Variants in PTPN13 observed in about 807,000 individuals in gnomAD.
The protein encoded by PTPN13 is tyrosine-protein phosphatase non-receptor type 13.
PTPN13 carries 191 observed loss-of-function variants against 284.0 expected under a neutral mutation model. That is an observed-to-expected ratio of 0.67 (90% confidence interval 0.60 to 0.76). PTPN13 has a LOEUF of 0.76. Among genes scored for constraint, PTPN13 ranks in the 30% least tolerant of loss-of-function variants. The pLI is 0.00. For synonymous variants in PTPN13, 986 were observed against 1,022.3 expected (o/e 0.96, Z 0.68); for missense variants, 2,797 against 2,939.9 (o/e 0.95, Z 1.12).
intron 35 of PTPN13, among the ~76,000 whole-genome samples, chr4:86,780,138 C>G (rs1741125607): frequency 6.6e-6 from 1 of 152,058 alleles, no homozygotes; most frequent in Non-Finnish European, 1.5e-5. Flanking sequence ...GTGGCTCACA[C>G]CTGTAATCTC....
chr4:86,792,460 C>T (rs1337596251), intron 40 of PTPN13, among the ~76,000 whole-genome samples: 1 of 152,204 alleles, frequency 6.6e-6, no homozygotes, highest in African/African-American at 2.4e-5. Context: ...GAGAACTTCA[C>T]TAACCTAGCA....
chr4:86,767,562 A>C (rs1739476681), intron 27 of PTPN13, among the ~76,000 whole-genome samples: 1 of 152,068 alleles, frequency 6.6e-6, no homozygotes, highest in East Asian at 1.9e-4. Context: ...ATACATTTCT[A>C]ACATGTATTA....
At chr4:86,676,242 C>T (rs1728260492) in intron 3 of PTPN13, among the ~76,000 whole-genome samples, 1 of 152,124 alleles carries the variant, frequency 6.6e-6, no homozygotes, top group East Asian at 1.9e-4. Context: ...CTAGGATTGT[C>T]TAGTGACACA....
intron 17 of PTPN13, among the ~76,000 whole-genome samples, chr4:86,746,049 T>G (rs925798976): frequency 4.6e-5 from 7 of 152,114 alleles, no homozygotes; most frequent in Admixed American, 3.3e-4. Flanking sequence ...GGTGGCAGAT[T>G]TACTACCTAT....
chr4:86,743,273 C>A (rs995838354), intron 16 of PTPN13, among the ~76,000 whole-genome samples: 1 of 152,114 alleles, frequency 6.6e-6, no homozygotes, highest in African/African-American at 2.4e-5. Context: ...AACCTCTAAC[C>A]TATCTCTGGC....
intron 7 of PTPN13, among the ~76,000 whole-genome samples, chr4:86,704,285 C>T (rs1449252209): frequency 6.6e-6 from 1 of 152,056 alleles, no homozygotes; most frequent in African/African-American, 2.4e-5. Flanking sequence ...TGTGAATTAG[C>T]AAAGCTTGAG....
At chr4:86,661,171 C>G in intron 2 of PTPN13, 1 of 441,366 alleles carries the variant, frequency 2.3e-6, no homozygotes, top group South Asian at 1.6e-5. Context: ...CAAGGGTAAT[C>G]ACTGCTATGA....
In PTPN13 at chr4:86,771,498, C is replaced by T; in HGVS notation, c.5131C>T (p.Pro1711Ser). 6.4e-7 allele frequency: 1 copy of T among 1,569,540 alleles called. No individual in the cohort carries two copies. Among genetic ancestry groups the T allele is most frequent in the East Asian group, 2.3e-5 (1 of 43,298 alleles). ...EDTICTMFYY[P>S]QKIPNKPEFE... is the part of the protein sequence containing the mutation. The stretch of plus-strand genomic sequence containing the variant: ...TACCATTTGTACCATGTTTTACTAT[C>T]CTCAGAAAATTCCCAATAAACCAGA... Residue 1711 changes from proline (P) to serine (S), a missense_variant, in exon 31 of 48, where the codon CCT becomes TCT. Pro to Ser is a moderately conservative substitution (Grantham distance 74, BLOSUM62 -1). Coordinates refer to ENST00000411767, the MANE Select transcript of PTPN13 (RefSeq NM_080683.3).
intron 45 of PTPN13, 112 bp downstream of exon 45, chr4:86,808,009 TC>T: frequency 1.1e-6 from 1 of 937,968 alleles, no homozygotes; most frequent in South Asian, 1.8e-5. Context: ...GACAGTGACT[TC>T]CTAGTTCCCA....
At chr4:86,737,203 G>C (rs1174504206) in intron 15 of PTPN13, among the ~76,000 whole-genome samples, 1 of 150,576 alleles carries the variant, frequency 6.6e-6, no homozygotes, top group African/African-American at 2.4e-5. Flanking sequence ...TTGTCACTGG[G>C]TTCCAGCCTA....
chr4:86,732,914 TC>T, intron 12 of PTPN13, 148 bp downstream of exon 12: 1 of 526,830 alleles, frequency 1.9e-6, no homozygotes, highest in East Asian at 3.2e-5. Context: ...CCCTTTCTTC[TC>T]CCAGCTACTT....
At chr4:86,641,295 TTA>T (rs1302229371) in intron 2 of PTPN13, among the ~76,000 whole-genome samples, 1 of 151,960 alleles carries the variant, frequency 6.6e-6, no homozygotes, top group Non-Finnish European at 1.5e-5. Flanking sequence ...TCCAAGAAGT[TTA>T]TGTGTTTTTT....
At position 86,703,971 on chromosome 4, in the gene PTPN13, GAGACCAGCCTC is replaced by G. The variant is rs557697042; in HGVS notation, c.1195+2172_1195+2182del. Among the ~76,000 whole-genome samples the G allele has an allele frequency of 5.2e-4, 79 of 151,646 alleles. 1 individual carries two copies. Among genetic ancestry groups the G allele is most frequent in the African/African-American group, 1.8e-3 (74 of 41,318 alleles). ...GCAGATCACCTGAGGTCGGGAGTTC[GAGACCAGCCTC>G]ACCAACATGGAGAAACCCCGTCTTT... On this transcript the variant is annotated intron_variant, in intron 7 of 47. Coordinates refer to ENST00000411767, the MANE Select transcript of PTPN13 (RefSeq NM_080683.3).
rs766550478 is a variant in PTPN13, at chr4:86,688,989, C to G, written c.361-16C>G. 92 of 1,529,296 alleles carry G rather than the reference C, an allele frequency of 6.0e-5. No homozygotes were observed. Among genetic ancestry groups the G allele is most frequent in the Non-Finnish European group, 8.0e-5 (88 of 1,104,766 alleles). 94.7% of individuals were successfully genotyped at this position (1,529,296 alleles called of 1,614,324 possible). On this transcript the variant is annotated splice_polypyrimidine_tract_variant and intron_variant, in intron 4 of 47. Transcript: ENST00000411767. The stretch of plus-strand genomic sequence containing the variant: ...GCTCACATTTACTCACTGGCTTTTC[C>G]TTTATTTATATTCAGCCTATTAAGC...
At position 86,635,339 on chromosome 4, in the gene PTPN13, G is replaced by A. The variant is rs1166489655; in HGVS notation, c.83G>A (p.Ser28Asn). 1 of 1,604,122 alleles carries A rather than the reference G, an allele frequency of 6.2e-7. No individual in the cohort carries two copies. The highest frequency in any genetic ancestry group is 8.5e-7 in the Non-Finnish European group (1 of 1,175,504). The change falls in exon 2 of 48, where the codon AGT (serine) becomes AAT (asparagine). Residue 28 changes from serine (S) to asparagine (N), a missense_variant. Ser to Asn is a conservative substitution (Grantham distance 46). Transcript: ENST00000411767. ...EEEIWAVLNQ[S>N]AESLQELFRK... Reference sequence around the variant, plus strand: ...GAAATATGGGCTGTATTAAATCAAAGTGCTGAAAGTCTCCAAGAATTATTC... The same window carrying A: ...GAAATATGGGCTGTATTAAATCAAAATGCTGAAAGTCTCCAAGAATTATTC...
intron 22 of PTPN13, 62 bp from the exon 23 acceptor site, chr4:86,758,880 T>G: frequency 6.3e-7 from 1 of 1,586,632 alleles, no homozygotes; most frequent in East Asian, 2.2e-5. Flanking sequence ...GAGATGATAT[T>G]TCTAAGATTC....
chr4:86,799,521 G>A (rs1390914836), intron 42 of PTPN13, among the ~76,000 whole-genome samples: 4 of 151,530 alleles, frequency 2.6e-5, no homozygotes, highest in Non-Finnish European at 5.9e-5. Flanking sequence ...GTAGAGACAG[G>A]GTTTCACCAT....
intron 1 of PTPN13, among the ~76,000 whole-genome samples, chr4:86,599,789 G>A (rs1287231657): frequency 6.6e-6 from 1 of 151,744 alleles, no homozygotes; most frequent in Admixed American, 6.6e-5. Flanking sequence ...TCAGTCTTTT[G>A]TACCTAGTTA....
At chr4:86,651,467 T>C (rs995841773) in intron 2 of PTPN13, among the ~76,000 whole-genome samples, 3 of 151,882 alleles carry the variant, frequency 2.0e-5, no homozygotes, top group Non-Finnish European at 4.4e-5. Flanking sequence ...TTTTTTTGTC[T>C]GGTTTTAATA....
Sources: gnomAD v4.1 joint callset for allele counts (sites outside exome capture counted in the v4.1 genomes callset) on GRCh38, gnomAD v4.1.1 for gene constraint, MANE v1.5 for transcripts, NCBI Gene and HGNC (gene_info 2026-07-23, HGNC 2026-07-21) for gene names.